CARMIL1: variants seen among roughly 807,000 people sequenced by gnomAD.
CARMIL1 encodes the protein F-actin-uncapping protein LRRC16A.
Under a neutral mutation model 177.1 loss-of-function variants are expected in CARMIL1, and 90 were observed. The ratio of observed to expected loss-of-function variants is 0.51; its 90% CI spans 0.43 to 0.61. CARMIL1 has a LOEUF of 0.61. CARMIL1 is among the 20% of genes least tolerant of loss of function. The probability of loss-of-function intolerance (pLI) is 0.00; values close to 1 mark genes in which losing one functional copy is unlikely to be tolerated. For synonymous variants in CARMIL1, 577 were observed against 606.2 expected (o/e 0.95, Z 0.71); for missense variants, 1,380 against 1,667.0 (o/e 0.83, Z 3.00).
chr6:25,534,390 G>A lies in CARMIL1; in HGVS notation c.2068-3465G>A, dbSNP rs546567621. 2.0e-5 allele frequency among the ~76,000 whole-genome samples: 3 copies of A among 151,970 alleles called. No homozygotes were observed. In the South Asian group the frequency reaches 6.2e-4, roughly 32 times the overall value. On this transcript the variant is annotated intron_variant, in intron 24 of 36. Transcript: ENST00000329474. ...TTCCAATCTGATCTCCCACTGTAAG[G>A]TGCCTCTGTTCCTAACCAGGAGATA...
At chr6:25,441,734 C>T (rs1216049156) in intron 5 of CARMIL1, among the ~76,000 whole-genome samples, 1 of 152,120 alleles carries the variant, frequency 6.6e-6, no homozygotes, top group Admixed American at 6.6e-5. Context: ...ACAGTGACAA[C>T]CCTATGGGGT....
At chr6:25,450,528 C>G in intron 7 of CARMIL1, 110 bp from the exon 8 acceptor site, 1 of 1,109,168 alleles carries the variant, frequency 9.0e-7, no homozygotes, top group Non-Finnish European at 1.3e-6. Context: ...ATCTTCACTT[C>G]TCAGATTACA....
At chr6:25,469,627 G>A (rs1225244599) in intron 9 of CARMIL1, among the ~76,000 whole-genome samples, 10 of 152,138 alleles carry the variant, frequency 6.6e-5, no homozygotes, top group African/African-American at 2.4e-4. Context: ...GTGCGATGAC[G>A]GTTCAATGCA....
intron 2 of CARMIL1, among the ~76,000 whole-genome samples, chr6:25,360,460 T>G (rs975968696): frequency 6.6e-6 from 1 of 152,260 alleles, no homozygotes; most frequent in African/African-American, 2.4e-5. Flanking sequence ...TTGTTTAGTC[T>G]GTGGGGACTT....
chr6:25,315,260 A>G (rs1355290948), intron 2 of CARMIL1, among the ~76,000 whole-genome samples: 1 of 152,206 alleles, frequency 6.6e-6, no homozygotes. Context: ...GTTTAATCCT[A>G]GGAACCCTGT....
At position 25,390,293 on chromosome 6, in the gene CARMIL1, CAT is replaced by C. The variant is rs397887367; in HGVS notation, c.139-29794_139-29793del. Among the ~76,000 whole-genome samples, 632 of 84,860 alleles carry C rather than the reference CAT, an allele frequency of 7.4e-3. 15 individuals carry two copies. The highest frequency in any genetic ancestry group is 0.018 in the East Asian group (55 of 3,128). The allele number at this position is 84,860 out of a possible 152,430, so 55.7% of individuals were successfully genotyped here. On this transcript the variant is annotated intron_variant, in intron 2 of 36. Transcript: ENST00000329474. Reference sequence around the variant, plus strand: ...ATATATAGGTACACATATATATTTACATATATATATATATATATATATATATA... The same window carrying C: ...ATATATAGGTACACATATATATTTACATATATATATATATATATATATATA...
chr6:25,296,935 T>TATCTATCTTTAAC (rs11414122), intron 2 of CARMIL1, among the ~76,000 whole-genome samples: 12 of 136,344 alleles, frequency 8.8e-5, no homozygotes, highest in Non-Finnish European at 1.3e-4. Context: ...CTATCTATCT[T>TATCTATCTTTAAC]TAACTAACTA....
At chr6:25,409,795 A>G (rs57612228) in intron 2 of CARMIL1, among the ~76,000 whole-genome samples, 3,102 of 152,242 alleles carry the variant, frequency 0.02, 85 homozygotes, top group African/African-American at 0.062. Flanking sequence ...AATAATGCTC[A>G]TGTTTTCTAC....
At chr6:25,516,769 AC>A (rs774849199) in intron 21 of CARMIL1, among the ~76,000 whole-genome samples, 1 of 152,232 alleles carries the variant, frequency 6.6e-6, no homozygotes, top group Non-Finnish European at 1.5e-5. Flanking sequence ...TAAAAAGCAA[AC>A]AAACTCCTGT....
At chr6:25,346,331 G>A (rs533384691) in intron 2 of CARMIL1, among the ~76,000 whole-genome samples, 10 of 152,130 alleles carry the variant, frequency 6.6e-5, no homozygotes, top group Admixed American at 6.5e-4. Context: ...AGAGCTTTTT[G>A]CATTTGTTCT....
chr6:25,285,643 GAGAA>G (rs1304066368), intron 2 of CARMIL1, among the ~76,000 whole-genome samples: 7,552 of 152,232 alleles, frequency 0.05, 586 homozygotes, highest in African/African-American at 0.16. Flanking sequence ...TTTTGATGGA[GAGAA>G]TACTGTTTAA....
At chr6:25,428,471 A>G (rs1796459240) in intron 4 of CARMIL1, among the ~76,000 whole-genome samples, 1 of 152,014 alleles carries the variant, frequency 6.6e-6, no homozygotes, top group African/African-American at 2.4e-5. Flanking sequence ...TAGTCCTCCA[A>G]CGTTTTTCTT....
At chr6:25,451,216 G>T (rs994117449) in intron 8 of CARMIL1, among the ~76,000 whole-genome samples, 5 of 151,802 alleles carry the variant, frequency 3.3e-5, no homozygotes, top group African/African-American at 1.2e-4. Context: ...TCCAGAGTTC[G>T]TAGTTAGAAA....
At chr6:25,353,303 A>G (rs1233485652) in intron 2 of CARMIL1, among the ~76,000 whole-genome samples, 1 of 152,210 alleles carries the variant, frequency 6.6e-6, no homozygotes, top group Admixed American at 6.5e-5. Flanking sequence ...ATGTGTTATT[A>G]TCCCTATTAT....
intron 2 of CARMIL1, among the ~76,000 whole-genome samples, chr6:25,340,423 T>C (rs1786786126): frequency 6.6e-6 from 1 of 152,168 alleles, no homozygotes; most frequent in Admixed American, 6.5e-5. Context: ...CTTGTAGGAG[T>C]TTATAAATGG....
chr6:25,392,171 C>A (rs1330852806), intron 2 of CARMIL1, among the ~76,000 whole-genome samples: 1 of 151,604 alleles, frequency 6.6e-6, no homozygotes, highest in South Asian at 2.1e-4. Flanking sequence ...ATATGATACA[C>A]AAACCGTAGA....
At chr6:25,376,571 C>G (rs1791004348) in intron 2 of CARMIL1, among the ~76,000 whole-genome samples, 1 of 152,092 alleles carries the variant, frequency 6.6e-6, no homozygotes, top group Non-Finnish European at 1.5e-5. Context: ...TATAGAGAGT[C>G]TTTGTATGAC....
At chr6:25,461,967 A>G (rs1055895881) in intron 8 of CARMIL1, among the ~76,000 whole-genome samples, 4 of 152,210 alleles carry the variant, frequency 2.6e-5, no homozygotes, top group Admixed American at 2.6e-4. Flanking sequence ...TTTGCTATAC[A>G]TATATCTTAT....
intron 28 of CARMIL1, among the ~76,000 whole-genome samples, chr6:25,555,706 C>A (rs543213522): frequency 6.6e-6 from 1 of 152,146 alleles, no homozygotes; most frequent in South Asian, 2.1e-4. Flanking sequence ...CTAGAGCATC[C>A]TTTTAAAATA....
Sources: gnomAD v4.1 joint callset for allele counts (sites outside exome capture counted in the v4.1 genomes callset) on GRCh38, gnomAD v4.1.1 for gene constraint, MANE v1.5 for transcripts, NCBI Gene and HGNC (gene_info 2026-07-23, HGNC 2026-07-21) for gene names.